STXBP5L: variants seen among roughly 807,000 people sequenced by gnomAD.
STXBP5L encodes the protein syntaxin-binding protein 5-like.
In STXBP5L, 65 loss-of-function variants were observed where a neutral mutation model predicts 144.5. That is an observed-to-expected ratio of 0.45 (90% CI 0.37 to 0.55). The LOEUF (loss-of-function observed/expected upper bound fraction) is 0.55. Ranked by LOEUF, STXBP5L falls within the 20% of genes least tolerant of loss-of-function variation. The pLI is 0.00. For synonymous variants in STXBP5L, 505 were observed against 469.6 expected (o/e 1.08, Z -0.97); for missense variants, 1,298 against 1,405.5 (o/e 0.92, Z 1.22).
At chr3:121,414,628 T>G (rs1196808436) in intron 24 of STXBP5L, among the ~76,000 whole-genome samples, 3 of 152,230 alleles carry the variant, frequency 2.0e-5, no homozygotes, top group Non-Finnish European at 4.4e-5. Context: ...TAAGATACTT[T>G]AGACAGAAGT....
rs536892006 is a variant in STXBP5L, at chr3:121,199,051, T to G, written c.878-6872T>G. ...TCAAAGGTAGCTTGTTGGAATTTCATTGAATCTATAAGTTACTTTGAACAG... is the reference window on the plus strand; with the variant it reads ...TCAAAGGTAGCTTGTTGGAATTTCAGTGAATCTATAAGTTACTTTGAACAG... On this transcript the variant is annotated intron_variant, in intron 9 of 26. Coordinates refer to ENST00000471454, the MANE Select transcript of STXBP5L (RefSeq NM_001308330.2). 1.6e-4 allele frequency among the ~76,000 whole-genome samples: 25 copies of G among 152,312 alleles called. 1 individual carries two copies. In the East Asian group the frequency reaches 4.6e-3, roughly 28 times the overall value.
Position 121,182,499 on chromosome 3 carries a change from A to G in STXBP5L, c.878-23424A>G, listed in dbSNP as rs374548990. Among the ~76,000 whole-genome samples, 4 of 152,144 alleles carry G rather than the reference A, an allele frequency of 2.6e-5. No homozygotes were observed. The South Asian group carries it at 8.3e-4, about 31-fold the overall frequency. ...GATAATCATTACACAACTTATCAAGACCTTTGGGATAAAGCAAAGCTGTGC... is the reference window on the plus strand; with the variant it reads ...GATAATCATTACACAACTTATCAAGGCCTTTGGGATAAAGCAAAGCTGTGC... On this transcript the variant is annotated intron_variant, in intron 9 of 26. Coordinates refer to ENST00000471454, the MANE Select transcript of STXBP5L (RefSeq NM_001308330.2).
chr3:121,183,631 G>A (rs896611273), intron 9 of STXBP5L, among the ~76,000 whole-genome samples: 3 of 150,730 alleles, frequency 2.0e-5, no homozygotes, highest in Non-Finnish European at 4.4e-5. Flanking sequence ...GGAAGGGAGG[G>A]AGGAAGGAAA....
At chr3:121,189,695 G>A (rs1196716573) in intron 9 of STXBP5L, among the ~76,000 whole-genome samples, 1 of 152,138 alleles carries the variant, frequency 6.6e-6, no homozygotes, top group African/African-American at 2.4e-5. Context: ...AGAATGTCTT[G>A]ACAATGCGGG....
At chr3:121,052,957 C>T (rs1948141549) in intron 5 of STXBP5L, among the ~76,000 whole-genome samples, 1 of 152,114 alleles carries the variant, frequency 6.6e-6, no homozygotes, top group Non-Finnish European at 1.5e-5. Context: ...AAATAACAGA[C>T]AAACAGAGAG....
chr3:121,005,632 A>T (rs1365243430), intron 3 of STXBP5L, among the ~76,000 whole-genome samples: 1 of 151,618 alleles, frequency 6.6e-6, no homozygotes, highest in Non-Finnish European at 1.5e-5. Flanking sequence ...TAGTTCTTTT[A>T]ATTGTGATGT....
At chr3:121,286,019 T>C (rs1448542591) in intron 19 of STXBP5L, among the ~76,000 whole-genome samples, 1 of 152,168 alleles carries the variant, frequency 6.6e-6, no homozygotes, top group Non-Finnish European at 1.5e-5. Flanking sequence ...GTTCTACTTA[T>C]GATAATCACA....
chr3:121,144,631 G>C (rs1227162527), intron 7 of STXBP5L, among the ~76,000 whole-genome samples: 1 of 151,870 alleles, frequency 6.6e-6, no homozygotes, highest in East Asian at 1.9e-4. Context: ...TTATACAAGA[G>C]AATTGAAATC....
chr3:121,273,273 G>T (rs933848151), intron 18 of STXBP5L, among the ~76,000 whole-genome samples: 4 of 150,568 alleles, frequency 2.7e-5, no homozygotes, highest in African/African-American at 9.7e-5. Flanking sequence ...GAACAATTTT[G>T]CTAGATACGG....
intron 18 of STXBP5L, among the ~76,000 whole-genome samples, chr3:121,271,774 A>C (rs541050760): frequency 6.6e-6 from 1 of 152,290 alleles, no homozygotes; most frequent in South Asian, 2.1e-4. Context: ...ACTACTCTAA[A>C]GACATGTCTG....
rs1453617528 is a variant in STXBP5L, at chr3:121,103,829, G to T, written c.471-11096G>T. ...GGTGATTATTTTAAGAACAGATAAA[G>T]AAAATTAAGTAACAGTCTTCAAAAC... On this transcript the variant is annotated intron_variant, in intron 5 of 26. Transcript: ENST00000471454. 2.6e-5 allele frequency among the ~76,000 whole-genome samples: 4 copies of T among 152,114 alleles called. No homozygotes were observed. The South Asian group carries it at 6.2e-4, about 24-fold the overall frequency.
At chr3:121,035,444 C>T (rs571011407) in intron 3 of STXBP5L, among the ~76,000 whole-genome samples, 14 of 152,250 alleles carry the variant, frequency 9.2e-5, no homozygotes, top group African/African-American at 3.1e-4. Context: ...CCAATTTTCC[C>T]AGCACCATTT....
At chr3:120,923,984 A>T (rs985522165) in intron 2 of STXBP5L, among the ~76,000 whole-genome samples, 3 of 152,166 alleles carry the variant, frequency 2.0e-5, no homozygotes, top group Admixed American at 2.0e-4. Flanking sequence ...TGCAACAAGG[A>T]TTAGAATTTT....
chr3:121,011,619 G>T (rs1024433119), intron 3 of STXBP5L, among the ~76,000 whole-genome samples: 1 of 151,042 alleles, frequency 6.6e-6, no homozygotes, highest in African/African-American at 2.4e-5. Context: ...TAAGAAATCT[G>T]CCATCCAAAA....
At position 121,348,988 on chromosome 3, in the gene STXBP5L, C is replaced by G. The variant is rs551670547; in HGVS notation, c.2177-29728C>G. 2.5e-3 allele frequency among the ~76,000 whole-genome samples: 380 copies of G among 151,918 alleles called. 3 individuals carry two copies. Among genetic ancestry groups the G allele is most frequent in the African/African-American group, 8.6e-3 (358 of 41,428 alleles). On this transcript the variant is annotated intron_variant, in intron 20 of 26. Coordinates refer to ENST00000471454, the MANE Select transcript of STXBP5L (RefSeq NM_001308330.2). ...TCTGCTCTGATGTTAGTTATTTCTT[C>G]CATTCTGTTAGCTTTTGAATGTGTT...
chr3:120,978,883 C>A (rs1317905458), intron 3 of STXBP5L, among the ~76,000 whole-genome samples: 3 of 152,178 alleles, frequency 2.0e-5, no homozygotes, highest in African/African-American at 7.2e-5. Flanking sequence ...GCGAATGCTG[C>A]TGTCTGATCG....
chr3:121,073,914 T>A (rs1270384995), intron 5 of STXBP5L, among the ~76,000 whole-genome samples: 1 of 152,216 alleles, frequency 6.6e-6, no homozygotes, highest in Non-Finnish European at 1.5e-5. Flanking sequence ...AGCCAAGATA[T>A]CTTGCCCTTT....
At chr3:121,083,624 C>G (rs1041387998) in intron 5 of STXBP5L, among the ~76,000 whole-genome samples, 2 of 151,648 alleles carry the variant, frequency 1.3e-5, no homozygotes, top group Admixed American at 1.3e-4. Flanking sequence ...GATTGCACCA[C>G]TGCATTCTAG....
intron 19 of STXBP5L, among the ~76,000 whole-genome samples, chr3:121,312,777 A>G (rs1367466486): frequency 1.3e-5 from 2 of 151,926 alleles, no homozygotes; most frequent in East Asian, 1.9e-4. Context: ...AGGGTTGGGG[A>G]TAAGGTCACA....
Sources: gnomAD v4.1 joint callset for allele counts (sites outside exome capture counted in the v4.1 genomes callset) on GRCh38, gnomAD v4.1.1 for gene constraint, MANE v1.5 for transcripts, NCBI Gene and HGNC (gene_info 2026-07-23, HGNC 2026-07-21) for gene names.